IFT140: variants seen among roughly 807,000 people sequenced by gnomAD.
IFT140 encodes intraflagellar transport protein 140 homolog.
Under a neutral mutation model 164.6 loss-of-function variants are expected in IFT140, and 133 were observed. The observed-to-expected ratio is 0.81, with a 90% confidence interval of 0.70 to 0.93. The LOEUF is 0.93. Ranked by LOEUF, IFT140 falls within the 40% of genes least tolerant of loss-of-function variation. IFT140 has a pLI of 0.00. For synonymous variants in IFT140, 860 were observed against 817.3 expected (o/e 1.05, Z -0.89); for missense variants, 2,045 against 1,972.3 (o/e 1.04, Z -0.70).
At chr16:1,592,785 A>G (rs2035254480) in intron 4 of IFT140, among the ~76,000 whole-genome samples, 197 bp from the exon 5 acceptor site, 1 of 135,016 alleles carries the variant, frequency 7.4e-6, no homozygotes, top group African/African-American at 2.9e-5. Context: ...GGACAGGTGA[A>G]CACCAGCCAC....
intron 19 of IFT140, chr16:1,555,087 A>G: frequency 6.5e-7 from 1 of 1,543,836 alleles, no homozygotes; most frequent in Non-Finnish European, 8.7e-7. Context: ...CTAGAAACCA[A>G]GGGACTCCAC....
chr16:1,560,358 C>A (rs1190108290), intron 18 of IFT140, among the ~76,000 whole-genome samples: 2 of 152,228 alleles, frequency 1.3e-5, no homozygotes, highest in African/African-American at 4.8e-5. Flanking sequence ...AGGAACACGG[C>A]CGCCAACCGC....
At chr16:1,546,631 A>C (rs112721291) in intron 19 of IFT140, among the ~76,000 whole-genome samples, 1 of 152,254 alleles carries the variant, frequency 6.6e-6, no homozygotes, top group African/African-American at 2.4e-5. Flanking sequence ...CTCCCCACCT[A>C]GGCCTGTCTC....
chr16:1,536,760 T>C (rs1199443064), intron 19 of IFT140, among the ~76,000 whole-genome samples: 2 of 152,162 alleles, frequency 1.3e-5, no homozygotes, highest in Non-Finnish European at 2.9e-5. Context: ...CGCCTTCTCC[T>C]TCACCGACGT....
rs1157116921 is a variant in IFT140 at position 1,526,732 on chromosome 16, C to A, written c.2464G>T (p.Val822Leu). Residue 822 changes from valine to leucine, a missense_variant, in exon 20 of 31, where the codon GTG becomes TTG. Physicochemically the swap from Val to Leu is conservative, Grantham distance 32. Coordinates refer to ENST00000426508, the MANE Select transcript of IFT140 (RefSeq NM_014714.4). ...GCATGGCCCATGTTCCCCAGGCACA[C>A]CTTGGCCACGTCCAGCCGCTGGGTC... Reference protein sequence around the residue: ...VKTQRLDVAKVCLGNMGHARG... With the variant: ...VKTQRLDVAKLCLGNMGHARG... The A allele has an allele frequency of 2.5e-6, 4 of 1,609,688 alleles. 1 individual carries two copies. Among genetic ancestry groups the A allele is most frequent in the Non-Finnish European group, 1.7e-6 (2 of 1,178,924 alleles).
intron 4 of IFT140, among the ~76,000 whole-genome samples, chr16:1,594,413 G>A (rs1401325958): frequency 2.0e-5 from 3 of 152,052 alleles, no homozygotes; most frequent in Non-Finnish European, 4.4e-5. Context: ...TACAGATGGG[G>A]TCGCACTATG....
intron 8 of IFT140, 131 bp downstream of exon 8, chr16:1,587,800 GTA>G (rs2034967382): frequency 1.4e-6 from 1 of 691,252 alleles, no homozygotes. Context: ...TGGTGAATGG[GTA>G]CGTCCAGTAT....
intron 19 of IFT140, chr16:1,557,717 G>A: frequency 1.7e-6 from 1 of 573,120 alleles, no homozygotes. Flanking sequence ...CAGCTAAACA[G>A]CCCGAGAGGC....
intron 19 of IFT140, chr16:1,541,448 C>A (rs542529205): frequency 3.0e-6 from 3 of 985,390 alleles, no homozygotes; most frequent in African/African-American, 1.7e-5. Context: ...CAGCTGAGCA[C>A]GCAGGACAGC....
Position 1,524,813 on chromosome 16 carries a change from T to C in IFT140, c.2968A>G (p.Ile990Val). ...TGGACATTGCCCTGGAAGCAGTGGA[T>C]GCGGACCAGGGAGAAGTGGTCCCGG... ...LARDHFSLVR[I>V]HCFQGNVQKA... Residue 990 changes from isoleucine (I) to valine (V), a missense_variant, in exon 23 of 31, where the codon ATC (isoleucine) becomes GTC (valine). Coordinates refer to ENST00000426508, the MANE Select transcript of IFT140 (RefSeq NM_014714.4). 1 of 1,611,658 alleles carries C rather than the reference T, an allele frequency of 6.2e-7. No individual in the cohort carries two copies.
At chr16:1,558,832 C>A (rs1021504501) in intron 18 of IFT140, among the ~76,000 whole-genome samples, 55 of 152,366 alleles carry the variant, frequency 3.6e-4, no homozygotes, top group African/African-American at 1.2e-3. Context: ...TGGGGTCAGG[C>A]TTCCCTGGTC....
In IFT140 at chr16:1,520,789, A is replaced by G; in HGVS notation, c.3473T>C (p.Leu1158Pro). The G allele has an allele frequency of 2.5e-6, 4 of 1,604,936 alleles. No homozygotes were observed. Among genetic ancestry groups the G allele is most frequent in the Non-Finnish European group, 2.5e-6 (3 of 1,179,908 alleles). ...GATGCTCATGTTCTGCCCCAGGCACAGCTGCAGGGCTTCCTGATACTGCAA... is the reference window on the plus strand; with the variant it reads ...GATGCTCATGTTCTGCCCCAGGCACGGCTGCAGGGCTTCCTGATACTGCAA... ...AARKYQEALQ[L>P]CLGQNMSITE... Residue 1158 changes from leucine to proline, a missense_variant, in exon 27 of 31, where the codon CTG (leucine) becomes CCG (proline). By Grantham distance (98) the Leu-to-Pro change is moderately conservative. Coordinates refer to ENST00000426508, the MANE Select transcript of IFT140 (RefSeq NM_014714.4).
chr16:1,549,152 G>C (rs1279440559), intron 19 of IFT140, among the ~76,000 whole-genome samples: 2 of 152,254 alleles, frequency 1.3e-5, no homozygotes, highest in African/African-American at 4.8e-5. Context: ...TGGCGTCCGA[G>C]GGCGCTGTCC....
At chr16:1,519,809 G>A (rs2040463672) in intron 29 of IFT140, 72 bp downstream of exon 29, 1 of 1,409,982 alleles carries the variant, frequency 7.1e-7, no homozygotes, top group South Asian at 1.5e-5. Context: ...GCTGGCTGGG[G>A]TTTCTCGTGG....
intron 4 of IFT140, among the ~76,000 whole-genome samples, chr16:1,599,204 G>A: frequency 1.2e-5 from 1 of 83,714 alleles, no homozygotes; most frequent in Middle Eastern, 4.8e-3. Flanking sequence ...GAAGTGAGGA[G>A]CCCCTCCGCC....
chr16:1,585,455 G>A (rs1290220471), intron 10 of IFT140, among the ~76,000 whole-genome samples: 1 of 152,188 alleles, frequency 6.6e-6, no homozygotes, highest in African/African-American at 2.4e-5. Context: ...CAGATTTTTT[G>A]TGGCGCTGAA....
chr16:1,525,971 T>C lies in IFT140; in HGVS notation c.2684A>G (p.His895Arg), dbSNP rs142667516. 1 of 1,590,306 alleles carries C rather than the reference T, an allele frequency of 6.3e-7. No homozygotes were observed. The highest frequency in any genetic ancestry group is 8.6e-7 in the Non-Finnish European group (1 of 1,169,520). The change falls in exon 21 of 31, where the codon CAC (histidine) becomes CGC (arginine). Residue 895 changes from histidine (H) to arginine (R), a missense_variant. Physicochemically the swap from His to Arg is conservative, Grantham distance 29 (BLOSUM62 0). Transcript: ENST00000426508. ...GGTGCTGCGCAGGTGCACGCGATCG[T>C]GGTGCTCGGCTACCTGGAGGGCCTC... The part of the protein sequence containing the change: ...WQEALQVAEH[H>R]DRVHLRSTYH...
chr16:1,610,334 C>T (rs2036272696), intron 2 of IFT140: 1 of 154,882 alleles, frequency 6.5e-6, no homozygotes, highest in South Asian at 2.0e-4. Flanking sequence ...TTGCATCTCT[C>T]GTTTGTCCCG....
At chr16:1,611,412 C>T (rs1408226754) in intron 1 of IFT140, among the ~76,000 whole-genome samples, 1 of 149,272 alleles carries the variant, frequency 6.7e-6, no homozygotes, top group Non-Finnish European at 1.5e-5. Context: ...GGAGGAGAAT[C>T]GCCTGAGCCC....
Sources: gnomAD v4.1 joint callset for allele counts (sites outside exome capture counted in the v4.1 genomes callset) on GRCh38, gnomAD v4.1.1 for gene constraint, MANE v1.5 for transcripts, NCBI Gene and HGNC (gene_info 2026-07-23, HGNC 2026-07-21) for gene names.